Variants in DNAH6 observed in about 807,000 individuals in gnomAD.
The protein encoded by DNAH6 is dynein axonemal heavy chain 6, also known as axonemal beta dynein heavy chain 6.
A neutral mutation model predicts 491.4 loss-of-function variants in DNAH6; 340 were observed. The ratio of observed to expected loss-of-function variants is 0.69; its 90% confidence interval spans 0.63 to 0.76. The LOEUF is 0.76. Ranked by LOEUF, DNAH6 falls within the 30% of genes least tolerant of loss-of-function variation. The probability of loss-of-function intolerance (pLI) is 0.00; values close to 1 mark genes in which losing one functional copy is unlikely to be tolerated. For synonymous variants in DNAH6, 1,603 were observed against 1,686.1 expected (o/e 0.95, Z 1.21); for missense variants, 4,443 against 4,972.2 (o/e 0.89, Z 3.20).
the DNAH6 span, among the ~76,000 whole-genome samples, chr2:84,479,637 C>T: frequency 6.6e-6 from 1 of 152,172 alleles, no homozygotes; most frequent in Non-Finnish European, 1.5e-5. Context: ...GTAACCCACT[C>T]CGTACCCACT....
intron 22 of DNAH6, among the ~76,000 whole-genome samples, chr2:84,613,089 G>A (rs1026984876): frequency 6.6e-6 from 1 of 152,064 alleles, no homozygotes; most frequent in African/African-American, 2.4e-5. Context: ...CATTTCAGGG[G>A]ATAATAAAGC....
At chr2:84,614,620 A>G (rs1208053149) in intron 22 of DNAH6, among the ~76,000 whole-genome samples, 2 of 152,186 alleles carry the variant, frequency 1.3e-5, no homozygotes, top group Non-Finnish European at 1.5e-5. Flanking sequence ...ACTGTTTTCC[A>G]TAGTGGCTGT....
At chr2:84,662,330 G>T (rs970883355) in intron 37 of DNAH6, among the ~76,000 whole-genome samples, 2 of 152,180 alleles carry the variant, frequency 1.3e-5, no homozygotes, top group Admixed American at 1.3e-4. Flanking sequence ...AAGCACAAGG[G>T]GTTGGGTAAT....
Position 84,688,236 on chromosome 2 carries a change from C to T in DNAH6, c.7138-203C>T, listed in dbSNP as rs577636887. Among the ~76,000 whole-genome samples, 6 of 120,664 alleles carry T rather than the reference C, an allele frequency of 5.0e-5. No homozygotes were observed. The East Asian group carries it at 1.3e-3, about 25-fold the overall frequency. 79.2% of individuals were successfully genotyped at this position (120,664 alleles called of 152,430 possible). On this transcript the variant is annotated intron_variant, in intron 44 of 76. Coordinates refer to ENST00000389394, the MANE Select transcript of DNAH6 (RefSeq NM_001370.2). ...CCTGGGCAACAGAGAGAGACTCCAT[C>T]TCAAAAAAAAAAAAAAAAAGTGAAA...
intron 2 of DNAH6, among the ~76,000 whole-genome samples, chr2:84,523,485 G>A (rs969104783): frequency 6.6e-6 from 1 of 151,134 alleles, no homozygotes; most frequent in African/African-American, 2.4e-5. Flanking sequence ...GTTCTTTCTT[G>A]TCTTCTGCTA....
Position 84,785,713 on chromosome 2 carries a change from G to T in DNAH6, c.11057G>T (p.Arg3686Ile). ...GAAAATATACTTGGAAAAAAATGGA[G>T]ACAAATAATATTTGGCATTTGTTTC... ...FEENILGKKWRQIIFGICFFH... is the reference protein window; with the variant it reads ...FEENILGKKWIQIIFGICFFH... Residue 3686 changes from arginine to isoleucine, a missense_variant, in exon 67 of 77, where the codon AGA becomes ATA. Coordinates refer to ENST00000389394, the MANE Select transcript of DNAH6 (RefSeq NM_001370.2). 1 of 1,547,040 alleles carries T rather than the reference G, an allele frequency of 6.5e-7. No individual in the cohort carries two copies. The highest frequency in any genetic ancestry group is 1.2e-5 in the South Asian group (1 of 82,842).
chr2:84,517,945 C>T lies in DNAH6; in HGVS notation c.119C>T (p.Thr40Ile), dbSNP rs1454931679. The change falls in exon 2 of 77, where the codon ACA (threonine) becomes ATA (isoleucine). Residue 40 changes from threonine (T) to isoleucine (I), a missense_variant. By Grantham distance (89) the Thr-to-Ile change is moderately conservative. This residue lies in a region of DNAH6 where 2,977 missense variants were observed against 3,296.6 expected (regional missense o/e 0.90). Transcript: ENST00000389394. ...GCCAAACAAAGAGTGAGTTATGTGA[C>T]ATCCACAGAAAATGAATCTGATACA... ...IKAKQRVSYV[T>I]STENESDTQI... The T allele has an allele frequency of 1.3e-5, 20 of 1,551,526 alleles. No individual in the cohort carries two copies. The African/African-American group carries it at 2.3e-4, about 18-fold the overall frequency.
Position 84,705,970 on chromosome 2 carries a change from T to A in DNAH6, c.8727+223T>A, listed in dbSNP as rs75192466. On this transcript the variant is annotated intron_variant, in intron 52 of 76. Transcript: ENST00000389394. ...AGAGGAACATGAGTTCCTCAGTATA[T>A]TCATCTGAAAAAAAAGGAATTAATC... is the stretch of plus-strand genomic sequence containing the variant. Among the ~76,000 whole-genome samples the A allele has an allele frequency of 0.02, 3,008 of 152,276 alleles. 97 individuals carry two copies. The highest frequency in any genetic ancestry group is 0.069 in the African/African-American group (2,861 of 41,560).
chr2:84,755,761 T>G (rs1273510144), intron 63 of DNAH6, among the ~76,000 whole-genome samples: 2 of 152,214 alleles, frequency 1.3e-5, no homozygotes, highest in African/African-American at 4.8e-5. Flanking sequence ...TCATTAACCA[T>G]GATGTTAGCT....
At chr2:84,613,123 A>G (rs182237513) in intron 22 of DNAH6, among the ~76,000 whole-genome samples, 4 of 151,828 alleles carry the variant, frequency 2.6e-5, no homozygotes, top group Non-Finnish European at 4.4e-5. Context: ...AAAGTAGGGT[A>G]AATTGGTGAG....
chr2:84,785,046 G>T (rs1329359852), intron 66 of DNAH6, among the ~76,000 whole-genome samples: 4 of 152,150 alleles, frequency 2.6e-5, no homozygotes, highest in African/African-American at 9.7e-5. Context: ...ACCCTCACAA[G>T]AAAATGTTAA....
chr2:84,670,009 C>T (rs1197968675), intron 38 of DNAH6, among the ~76,000 whole-genome samples: 3 of 152,114 alleles, frequency 2.0e-5, no homozygotes, highest in Non-Finnish European at 2.9e-5. Context: ...AGGACTTCAC[C>T]GTTTCCCCAA....
chr2:84,475,239 T>A, the DNAH6 span, among the ~76,000 whole-genome samples: 1 of 152,220 alleles, frequency 6.6e-6, no homozygotes, highest in Non-Finnish European at 1.5e-5. Context: ...GGAATTGTGC[T>A]GCAGAGGTTT....
At chr2:84,587,633 T>C (rs1683700825) in intron 15 of DNAH6, among the ~76,000 whole-genome samples, 1 of 152,236 alleles carries the variant, frequency 6.6e-6, no homozygotes, top group African/African-American at 2.4e-5. Flanking sequence ...ATGTGACCAT[T>C]AATGATAATT....
chr2:84,732,501 A>G (rs1248998594), intron 61 of DNAH6, among the ~76,000 whole-genome samples: 1 of 152,230 alleles, frequency 6.6e-6, no homozygotes, highest in Admixed American at 6.5e-5. Context: ...GAACCTTGAA[A>G]ACACTAAGCT....
At chr2:84,653,909 CATTA>C in intron 34 of DNAH6, 35 bp downstream of exon 34, 1 of 1,482,094 alleles carries the variant, frequency 6.7e-7, no homozygotes, top group Non-Finnish European at 9.0e-7. Context: ...TGAAATCATT[CATTA>C]AATTGGCATA....
At chr2:84,699,161 T>A (rs1695647543) in intron 47 of DNAH6, among the ~76,000 whole-genome samples, 1 of 151,740 alleles carries the variant, frequency 6.6e-6, no homozygotes, top group Admixed American at 6.6e-5. Context: ...AACCTACACA[T>A]GTACCCCCAG....
chr2:84,628,384 C>T (rs1176263679), intron 29 of DNAH6, among the ~76,000 whole-genome samples: 1 of 152,150 alleles, frequency 6.6e-6, no homozygotes, highest in Non-Finnish European at 1.5e-5. Flanking sequence ...CCTGCTTTTT[C>T]CGGTTCCTGA....
At chr2:84,483,434 A>G in the DNAH6 span, among the ~76,000 whole-genome samples, 24 of 152,340 alleles carry the variant, frequency 1.6e-4, no homozygotes, top group East Asian at 2.5e-3. Context: ...ACAGAATGCC[A>G]TAAAGACAGA....
Sources: allele counts gnomAD v4.1 joint callset (sites outside exome capture counted in the v4.1 genomes callset), GRCh38; gene constraint gnomAD v4.1.1; regional missense constraint gnomAD v4.1.1; transcripts MANE v1.5; gene names NCBI Gene and HGNC (gene_info 2026-07-23, HGNC 2026-07-21).